The following THRB variants were observed in gnomAD, a reference collection of about 807,000 sequenced individuals.
The protein encoded by THRB is nuclear receptor subfamily 1 group A member 2.
In THRB, 12 loss-of-function variants were observed where a neutral mutation model predicts 47.8. That is an observed-to-expected ratio of 0.25 (90% CI 0.16 to 0.41). The LOEUF (loss-of-function observed/expected upper bound fraction) is 0.41, where lower values mean the gene tolerates loss of function less well. Among genes scored for constraint, THRB ranks in the 10% least tolerant of loss-of-function variants. The pLI is 1.00. For synonymous variants in THRB, 218 were observed against 212.2 expected (o/e 1.03, Z -0.24); for missense variants, 348 against 589.2 (o/e 0.59, Z 4.24).
chr3:24,204,425 G>T (rs1233714746), intron 4 of THRB, among the ~76,000 whole-genome samples: 1 of 152,206 alleles, frequency 6.6e-6, no homozygotes, highest in Non-Finnish European at 1.5e-5. Flanking sequence ...AACTCCAACA[G>T]ACCTTCAGCT....
chr3:24,264,304 A>C (rs576654804), intron 3 of THRB, among the ~76,000 whole-genome samples: 2 of 152,268 alleles, frequency 1.3e-5, no homozygotes, highest in South Asian at 4.1e-4. Flanking sequence ...TAAATGACAC[A>C]CAATAATTAG....
chr3:24,455,621 A>G (rs781188878), intron 1 of THRB, among the ~76,000 whole-genome samples: 9 of 152,346 alleles, frequency 5.9e-5, no homozygotes, highest in Admixed American at 3.3e-4. Context: ...TTTGACCTCA[A>G]AAATATTTTT....
chr3:24,369,421 G>A (rs1359161437), intron 1 of THRB, among the ~76,000 whole-genome samples: 3 of 152,084 alleles, frequency 2.0e-5, no homozygotes, highest in Admixed American at 2.0e-4. Context: ...TGTCTATATT[G>A]ACTGTAAAGC....
intron 2 of THRB, among the ~76,000 whole-genome samples, chr3:24,323,513 T>C (rs1014835122): frequency 4.6e-5 from 7 of 152,344 alleles, no homozygotes; most frequent in Admixed American, 4.6e-4. Context: ...ATTCATTAGA[T>C]CTGGAGTGAG....
At chr3:24,437,396 G>A (rs1286280541) in intron 1 of THRB, among the ~76,000 whole-genome samples, 2 of 152,042 alleles carry the variant, frequency 1.3e-5, no homozygotes, top group Non-Finnish European at 2.9e-5. Context: ...GTAGGGGGAA[G>A]ATGAAGAGAA....
chr3:24,470,836 C>T (rs1033430256), intron 1 of THRB, among the ~76,000 whole-genome samples: 48 of 152,240 alleles, frequency 3.2e-4, no homozygotes, highest in Non-Finnish European at 4.4e-4. Flanking sequence ...AGGCTGGTCT[C>T]GAACTCCTGA....
rs187882103 is a variant in THRB at position 24,186,151 on chromosome 3, A to C, written c.283+3923T>G. Among the ~76,000 whole-genome samples, 236 of 152,160 alleles carry C rather than the reference A, an allele frequency of 1.6e-3. 4 individuals carry two copies. The highest frequency in any genetic ancestry group is 5.4e-3 in the African/African-American group (223 of 41,512). ...AGAGTATTTTCAAGCTCGTCATGAT[A>C]CCCAGGTATTAAGAATCTGCACTGG... On this transcript the variant is annotated intron_variant, in intron 5 of 10. Coordinates refer to ENST00000646209, the MANE Select transcript of THRB (RefSeq NM_001354712.2).
chr3:24,335,808 T>TA (rs937391937), intron 2 of THRB, among the ~76,000 whole-genome samples: 3 of 152,220 alleles, frequency 2.0e-5, no homozygotes, highest in African/African-American at 7.2e-5. Context: ...AATCTCTTCT[T>TA]AGTTTCCTTA....
intron 1 of THRB, among the ~76,000 whole-genome samples, chr3:24,410,035 A>T (rs1451804866): frequency 6.6e-6 from 1 of 151,914 alleles, no homozygotes; most frequent in Non-Finnish European, 1.5e-5. Flanking sequence ...ATTTTGATGA[A>T]TACATTTTGA....
At chr3:24,280,289 G>A (rs536670769) in intron 3 of THRB, among the ~76,000 whole-genome samples, 4 of 152,238 alleles carry the variant, frequency 2.6e-5, no homozygotes, top group East Asian at 3.9e-4. Flanking sequence ...CCTGACCCCC[G>A]AGCAGCCTAA....
rs1317381472 is a variant in THRB, at chr3:24,133,375, T to C, written c.826A>G (p.Ile276Val). The change falls in exon 9 of 11, where the codon ATC becomes GTC. Residue 276 changes from isoleucine to valine, a missense_variant. Coordinates refer to ENST00000646209, the MANE Select transcript of THRB (RefSeq NM_001354712.2). ...ACCACTCTGGTAATTGCTGGTGTGA[T>C]GATTTTTGTAAAATGGCTGAAGGCT... ...LEAFSHFTKI[I>V]TPAITRVVDF... 1 of 1,614,176 alleles carries C rather than the reference T, an allele frequency of 6.2e-7. No individual in the cohort carries two copies. Among genetic ancestry groups the C allele is most frequent in the South Asian group, 1.1e-5 (1 of 91,076 alleles).
At position 24,326,809 on chromosome 3, in the gene THRB, G is replaced by A. The variant is rs143407902; in HGVS notation, c.-189+10491C>T. 3.7e-3 allele frequency among the ~76,000 whole-genome samples: 430 copies of A among 114,750 alleles called. 1 individual carries two copies. The highest frequency in any genetic ancestry group is 0.015 in the African/African-American group (417 of 27,464). 75.3% of individuals were successfully genotyped at this position (114,750 alleles called of 152,430 possible). A position where few individuals can be genotyped will look rare whatever the true frequency, so the allele number is the denominator to read the frequency against. On this transcript the variant is annotated intron_variant, in intron 2 of 10. Transcript: ENST00000646209. ...AGATGGAGTTTTGCTCTGTCACCCA[G>A]GCTAGAGTGCAGTGGCGCAATCTTG...
chr3:24,371,507 A>C (rs2064907304), intron 1 of THRB, among the ~76,000 whole-genome samples: 1 of 152,140 alleles, frequency 6.6e-6, no homozygotes, highest in Non-Finnish European at 1.5e-5. Context: ...AGTTTCCTTT[A>C]GATTTCATCT....
chr3:24,476,741 T>C (rs778573957), intron 1 of THRB, among the ~76,000 whole-genome samples: 3 of 152,208 alleles, frequency 2.0e-5, no homozygotes, highest in Non-Finnish European at 4.4e-5. Context: ...ATTAAAGGTA[T>C]GGTTTTTGGG....
At chr3:24,464,107 G>A (rs975480438) in intron 1 of THRB, among the ~76,000 whole-genome samples, 7 of 152,086 alleles carry the variant, frequency 4.6e-5, no homozygotes, top group Non-Finnish European at 8.8e-5. Context: ...TTAGCCGGGC[G>A]AGGTGGCAGG....
chr3:24,164,095 A>G (rs1418856701), intron 5 of THRB, among the ~76,000 whole-genome samples: 1 of 152,198 alleles, frequency 6.6e-6, no homozygotes, highest in Non-Finnish European at 1.5e-5. Flanking sequence ...GATTATATAC[A>G]AAAGCATGAG....
At chr3:24,325,107 A>C (rs146775073) in intron 2 of THRB, among the ~76,000 whole-genome samples, 9 of 152,224 alleles carry the variant, frequency 5.9e-5, no homozygotes, top group Admixed American at 2.6e-4. Context: ...CAATAAGAAG[A>C]AGCAGCAGAA....
At chr3:24,368,758 A>T (rs1230174651) in intron 1 of THRB, among the ~76,000 whole-genome samples, 1 of 152,164 alleles carries the variant, frequency 6.6e-6, no homozygotes, top group African/African-American at 2.4e-5. Context: ...TAGGAAATTT[A>T]TGTACACCAA....
chr3:24,346,789 T>G (rs904939704), intron 1 of THRB, among the ~76,000 whole-genome samples: 1 of 151,974 alleles, frequency 6.6e-6, no homozygotes, highest in Non-Finnish European at 1.5e-5. Context: ...CCAACATTGC[T>G]AGAACTAGAA....
Sources: gnomAD v4.1 joint callset for allele counts (sites outside exome capture counted in the v4.1 genomes callset) on GRCh38, gnomAD v4.1.1 for gene constraint, MANE v1.5 for transcripts, NCBI Gene and HGNC (gene_info 2026-07-23, HGNC 2026-07-21) for gene names.